The following CASP6 variants were observed in gnomAD, a reference collection of about 807,000 sequenced individuals.
CASP6 encodes the protein caspase 6.
In CASP6, 20 loss-of-function variants were observed where a neutral mutation model predicts 31.8. The observed-to-expected ratio is 0.63, with a 90% confidence interval of 0.44 to 0.91. The LOEUF (loss-of-function observed/expected upper bound fraction) is 0.91, where lower values mean the gene tolerates loss of function less well. Among genes scored for constraint, CASP6 ranks in the 40% least tolerant of loss-of-function variants. The pLI, the probability that CASP6 is intolerant of heterozygous loss-of-function variation, is 0.00. For missense variants in CASP6, 328 were observed against 361.1 expected, an observed-to-expected ratio of 0.91 and a Z score of 0.74; for synonymous variants, 130 against 127.8, an observed-to-expected ratio of 1.02 and a Z score of -0.12.
Position 109,697,675 on chromosome 4 carries a change from T to C in CASP6, c.177A>G (p.Leu59=). 1 of 1,614,040 alleles carries C rather than the reference T, an allele frequency of 6.2e-7. No homozygotes were observed. The highest frequency in any genetic ancestry group is 8.5e-7 in the Non-Finnish European group (1 of 1,179,972). The change falls in exon 3 of 7, where the codon TTA becomes TTG. Residue 59 remains leucine (L), a synonymous_variant. Transcript: ENST00000265164. ...IFNHERFFWH[L]TLPERRGTCA... ...AGGTGCCCCGCCTTTCTGGCAGTGT[T>C]AAGTGCCAAAAGAACCTCTCATGAT... is the stretch of plus-strand genomic sequence containing the variant.
In CASP6 at chr4:109,688,865, C is replaced by CT. The variant is rs79593601; in HGVS notation, c.*464dup. 3,684 of 134,294 alleles carry CT rather than the reference C, an allele frequency of 0.027. 123 individuals carry two copies. Among genetic ancestry groups the CT allele is most frequent in the African/African-American group, 0.076 (2,745 of 36,278 alleles). 8.3% of individuals were successfully genotyped at this position (134,294 alleles called of 1,614,324 possible). On this transcript the variant is annotated 3_prime_UTR_variant, in exon 7 of 7. Coordinates refer to ENST00000265164, the MANE Select transcript of CASP6 (RefSeq NM_001226.4). ...ACCCTTTCACCATGGCCAACATGAA[C>CT]TTTTTTTTTTTTTTTTTAAGGCAGT... is the stretch of plus-strand genomic sequence containing the variant.
At chr4:109,706,550 G>A (rs1157476006), upstream of CASP6, among the ~76,000 whole-genome samples, 5 of 152,130 alleles carry the variant, frequency 3.3e-5, no homozygotes, top group Non-Finnish European at 5.9e-5. Context: ...GGTTTGGGGG[G>A]ATTGACCCCA....
the CASP6 span, among the ~76,000 whole-genome samples, chr4:109,668,688 T>G: frequency 6.6e-6 from 1 of 151,980 alleles, no homozygotes; most frequent in African/African-American, 2.4e-5. Context: ...GTTTTCTATT[T>G]GTTGCCACTG....
chr4:109,674,272 T>C, the CASP6 span: 1 of 643,104 alleles, frequency 1.6e-6, no homozygotes, highest in Non-Finnish European at 2.8e-6. Context: ...CTTGCAGGCT[T>C]GATTTGCCTG....
At chr4:109,706,856 A>G (rs1166781243), upstream of CASP6, among the ~76,000 whole-genome samples, 5 of 152,162 alleles carry the variant, frequency 3.3e-5, no homozygotes, top group Non-Finnish European at 7.4e-5. Flanking sequence ...GCAGTGAGCC[A>G]AGATCATGCC....
chr4:109,677,656 G>A, the CASP6 span, among the ~76,000 whole-genome samples: 777 of 152,244 alleles, frequency 5.1e-3, 4 homozygotes, highest in African/African-American at 0.018. Flanking sequence ...TAAAGGACAA[G>A]TTCAGCCCCT....
chr4:109,686,890 T>G (rs981996521), downstream of CASP6, among the ~76,000 whole-genome samples: 1 of 151,594 alleles, frequency 6.6e-6, no homozygotes, highest in Non-Finnish European at 1.5e-5. Flanking sequence ...AATAAAAAAA[T>G]TTAAATATAA....
the CASP6 span, among the ~76,000 whole-genome samples, chr4:109,679,615 G>A: frequency 6.6e-6 from 1 of 152,202 alleles, no homozygotes; most frequent in African/African-American, 2.4e-5. Flanking sequence ...GAGGGAGACT[G>A]GGAGACCGTA....
the CASP6 span, among the ~76,000 whole-genome samples, chr4:109,673,255 T>C: frequency 6.6e-6 from 1 of 152,168 alleles, no homozygotes; most frequent in East Asian, 1.9e-4. Context: ...AACAAACAAG[T>C]GGAAATAGAT....
chr4:109,672,469 T>C, the CASP6 span, among the ~76,000 whole-genome samples: 1 of 152,228 alleles, frequency 6.6e-6, no homozygotes, highest in Non-Finnish European at 1.5e-5. Context: ...TGGCTAGTAT[T>C]GGCTCCTGAG....
chr4:109,681,254 T>C, the CASP6 span, among the ~76,000 whole-genome samples: 1 of 152,094 alleles, frequency 6.6e-6, no homozygotes, highest in East Asian at 1.9e-4. Flanking sequence ...TTTAGAGTTG[T>C]GACAAGTCAA....
upstream of CASP6, among the ~76,000 whole-genome samples, chr4:109,706,130 T>TATATAA (rs57933332): frequency 1.1e-3 from 19 of 17,332 alleles, no homozygotes; most frequent in African/African-American, 3.8e-3. Context: ...ACCTATCCAT[T>TATATAA]TTATATATAT....
chr4:109,706,695 C>G (rs1364110128), upstream of CASP6, among the ~76,000 whole-genome samples: 1 of 152,060 alleles, frequency 6.6e-6, no homozygotes, highest in Non-Finnish European at 1.5e-5. Context: ...CTTTGGGAGG[C>G]CAGGAGTTCG....
chr4:109,673,242 A>G, the CASP6 span, among the ~76,000 whole-genome samples: 2 of 152,188 alleles, frequency 1.3e-5, no homozygotes, highest in African/African-American at 2.4e-5. Context: ...GGTTGCATTT[A>G]TGAACAAACA....
the CASP6 span, among the ~76,000 whole-genome samples, chr4:109,669,223 A>G: frequency 6.6e-6 from 1 of 152,088 alleles, no homozygotes; most frequent in Admixed American, 6.5e-5. Flanking sequence ...GCTAGCAACA[A>G]ATTCACTCAA....
Position 109,703,440 on chromosome 4 carries a change from A to C in CASP6, c.-45T>G. 6.2e-7 allele frequency: 1 copy of C among 1,602,426 alleles called. No homozygotes were observed. On this transcript the variant is annotated 5_prime_UTR_variant, in exon 1 of 7. Transcript: ENST00000265164. ...AGACACCTTGCCCTCCTCTTCCTGA[A>C]GCCACAGGCTCCCGGGCCCGGCCCC...
At chr4:109,667,887 G>T in the CASP6 span, among the ~76,000 whole-genome samples, 1 of 151,120 alleles carries the variant, frequency 6.6e-6, no homozygotes, top group Non-Finnish European at 1.5e-5. Flanking sequence ...TTTTTCTTGT[G>T]ATTTCTTCTT....
rs1194032318 is a variant in CASP6 at position 109,688,717 on chromosome 4, TGAC to T, written c.*610_*612del. The T allele has an allele frequency of 1.3e-5, 2 of 152,192 alleles. No individual in the cohort carries two copies. Among genetic ancestry groups the T allele is most frequent in the African/African-American group, 4.8e-5 (2 of 41,450 alleles). 9.4% of individuals were successfully genotyped at this position (152,192 alleles called of 1,614,324 possible). On this transcript the variant is annotated 3_prime_UTR_variant, in exon 7 of 7. Transcript: ENST00000265164. ...CAAACAATAAACTTTTATAAAAAAG[TGAC>T]AAAATACAAGTTAAATCAGCTAGAT... is the stretch of plus-strand genomic sequence containing the variant.
In CASP6 at chr4:109,689,131, A is replaced by G; in HGVS notation, c.*199T>C. The G allele has an allele frequency of 2.1e-6, 1 of 477,736 alleles. No homozygotes were observed. 29.6% of individuals were successfully genotyped at this position (477,736 alleles called of 1,614,324 possible). A position where few individuals can be genotyped will look rare whatever the true frequency, so the allele number is the denominator to read the frequency against. ...GCTGGGATTGCAGGCATGCGCCGCC[A>G]TGCCTAGCTAAATTTTTTTTTGCAT... On this transcript the variant is annotated 3_prime_UTR_variant, in exon 7 of 7. Transcript: ENST00000265164.
Sources: gnomAD v4.1 joint callset for allele counts (sites outside exome capture counted in the v4.1 genomes callset) on GRCh38, gnomAD v4.1.1 for gene constraint, MANE v1.5 for transcripts, NCBI Gene and HGNC (gene_info 2026-07-23, HGNC 2026-07-21) for gene names.